The following COPA variants were observed in gnomAD, a reference collection of about 807,000 sequenced individuals.
The protein encoded by COPA is coat protein complex I subunit alpha.
A neutral mutation model predicts 158.7 loss-of-function variants in COPA; 10 were observed. That is an observed-to-expected ratio of 0.06 (90% confidence interval 0.04 to 0.11). The LOEUF is 0.11. Among genes scored for constraint, COPA ranks in the 10% least tolerant of loss-of-function variants. The pLI, the probability that COPA is intolerant of heterozygous loss-of-function variation, is 1.00. For synonymous variants in COPA, 462 were observed against 542.8 expected (o/e 0.85, Z 2.07); for missense variants, 1,065 against 1,536.7 (o/e 0.69, Z 5.13).
intron 9 of COPA, among the ~76,000 whole-genome samples, chr1:160,313,453 T>C (rs140544754): frequency 0.024 from 3,626 of 151,962 alleles, 63 homozygotes; most frequent in East Asian, 0.093. Flanking sequence ...CTCGCTCTGT[T>C]GCCCAGGCTG....
chr1:160,321,993 T>C (rs148333351), intron 8 of COPA, among the ~76,000 whole-genome samples: 9 of 152,228 alleles, frequency 5.9e-5, no homozygotes, highest in African/African-American at 2.2e-4. Flanking sequence ...TCCATGCTTG[T>C]GGGTTGAAAG....
chr1:160,338,143 C>T (rs912544546), intron 3 of COPA, among the ~76,000 whole-genome samples: 8 of 152,074 alleles, frequency 5.3e-5, no homozygotes, highest in Admixed American at 5.2e-4. Flanking sequence ...CCAGTTTTTC[C>T]TTTTTAAACA....
At chr1:160,317,275 C>T (rs1659179488) in intron 8 of COPA, 9 of 803,228 alleles carry the variant, frequency 1.1e-5, no homozygotes, top group East Asian at 2.4e-5. Flanking sequence ...AATGTGGTAG[C>T]GGAAGTTACT....
chr1:160,304,583 G>A (rs1658720645), intron 17 of COPA, among the ~76,000 whole-genome samples: 3 of 151,942 alleles, frequency 2.0e-5, no homozygotes, highest in Non-Finnish European at 4.4e-5. Context: ...AGAATCACTT[G>A]AACCCAGGAG....
chr1:160,332,986 G>A (rs556659926), intron 5 of COPA, among the ~76,000 whole-genome samples: 4 of 152,082 alleles, frequency 2.6e-5, no homozygotes, highest in African/African-American at 7.2e-5. Flanking sequence ...GTGCAGTGGC[G>A]CAATCTTGGC....
intron 17 of COPA, among the ~76,000 whole-genome samples, chr1:160,302,615 C>T (rs1658649537): frequency 1.5e-5 from 2 of 136,906 alleles, no homozygotes; most frequent in South Asian, 2.3e-4. Flanking sequence ...AGTGCAGTGG[C>T]GCGATCTCAG....
chr1:160,304,874 A>G (rs1369697277), intron 17 of COPA, among the ~76,000 whole-genome samples: 1 of 152,240 alleles, frequency 6.6e-6, no homozygotes, highest in East Asian at 1.9e-4. Flanking sequence ...AAACTGTGGC[A>G]TAATCATATA....
intron 23 of COPA, 152 bp from the exon 24 acceptor site, chr1:160,295,009 T>A: frequency 1.6e-6 from 1 of 638,146 alleles, no homozygotes; most frequent in East Asian, 2.8e-5. Flanking sequence ...TTTTGTGGTA[T>A]ATATGTTATG....
chr1:160,332,389 A>G (rs1376158272), intron 6 of COPA, 59 bp downstream of exon 6: 7 of 1,135,582 alleles, frequency 6.2e-6, no homozygotes, highest in Non-Finnish European at 3.9e-6. Flanking sequence ...CACTATTTTA[A>G]GCAATTGCAG....
At chr1:160,294,956 C>T (rs1658353651) in intron 23 of COPA, 99 bp from the exon 24 acceptor site, 6 of 886,340 alleles carry the variant, frequency 6.8e-6, no homozygotes, top group African/African-American at 1.7e-5. Flanking sequence ...AAACAGGTGC[C>T]AAGCTTCTGC....
In COPA at chr1:160,291,809, T is replaced by C. The variant is rs1321120144; in HGVS notation, c.3258+10A>G. On this transcript the variant is annotated intron_variant, in intron 30 of 32. Coordinates refer to ENST00000241704, the MANE Select transcript of COPA (RefSeq NM_004371.4). Reference sequence around the variant, plus strand: ...CGTCTCTGTTGTGCTCAGGGTCCTATAGATCTTACCTCACAGATGCGCTTC... The same window carrying C: ...CGTCTCTGTTGTGCTCAGGGTCCTACAGATCTTACCTCACAGATGCGCTTC... 1.2e-6 allele frequency: 2 copies of C among 1,613,132 alleles called. No individual in the cohort carries two copies. The highest frequency in any genetic ancestry group is 1.3e-5 in the African/African-American group (1 of 74,848).
At position 160,330,785 on chromosome 1, in the gene COPA, G is replaced by T. The variant is rs1306951178; in HGVS notation, c.496+1663C>A. Among the ~76,000 whole-genome samples, 3 of 152,126 alleles carry T rather than the reference G, an allele frequency of 2.0e-5. 1 individual carries two copies. Among genetic ancestry groups the T allele is most frequent in the Admixed American group, 1.3e-4 (2 of 15,276 alleles). On this transcript the variant is annotated intron_variant, in intron 6 of 32. Coordinates refer to ENST00000241704, the MANE Select transcript of COPA (RefSeq NM_004371.4). Reference sequence around the variant, plus strand: ...AGAACCAAACAAAGATCTATGAGGGGGGCCTTCCTTTCATAGAATGAAACA... The same window carrying T: ...AGAACCAAACAAAGATCTATGAGGGTGGCCTTCCTTTCATAGAATGAAACA...
chr1:160,309,731 G>A (rs1658900388), intron 12 of COPA, among the ~76,000 whole-genome samples: 2 of 143,996 alleles, frequency 1.4e-5, no homozygotes, highest in Non-Finnish European at 1.5e-5. Flanking sequence ...ACTAAAATTA[G>A]AATGTCATTT....
intron 17 of COPA, 52 bp downstream of exon 17, chr1:160,305,381 T>A: frequency 6.4e-7 from 1 of 1,566,634 alleles, no homozygotes; most frequent in South Asian, 1.1e-5. Context: ...GACAAGACAG[T>A]GATTTCAGGA....
At chr1:160,319,193 T>C (rs1659253260) in intron 8 of COPA, among the ~76,000 whole-genome samples, 1 of 152,048 alleles carries the variant, frequency 6.6e-6, no homozygotes, top group African/African-American at 2.4e-5. Flanking sequence ...GAGTGGGAGA[T>C]ATTCCATGAA....
intron 5 of COPA, among the ~76,000 whole-genome samples, chr1:160,332,874 T>A: frequency 6.6e-6 from 1 of 152,234 alleles, no homozygotes; most frequent in East Asian, 1.9e-4. Flanking sequence ...CTGTAAATTA[T>A]CTGTGAGATT....
intron 3 of COPA, among the ~76,000 whole-genome samples, chr1:160,335,817 G>A (rs1183209123): frequency 7.1e-6 from 1 of 141,490 alleles, no homozygotes; most frequent in Admixed American, 7.5e-5. Flanking sequence ...CAGGATACAA[G>A]AGGTTGCAGT....
intron 8 of COPA, 67 bp from the exon 9 acceptor site, chr1:160,314,192 G>A (rs1659065804): frequency 6.6e-7 from 1 of 1,512,284 alleles, no homozygotes; most frequent in Admixed American, 2.0e-5. Flanking sequence ...TTGGAGATAT[G>A]ACATCCTCTT....
Position 160,311,981 on chromosome 1 carries a change from C to T in COPA, c.963G>A (p.Arg321=). 6.2e-7 allele frequency: 1 copy of T among 1,613,888 alleles called. No individual in the cohort carries two copies. The highest frequency in any genetic ancestry group is 8.5e-7 in the Non-Finnish European group (1 of 1,179,894). ...CATGAACAGCATAGGCTGGCCGTTC[C>T]CGTTCCAGCTTAAACACAATCATAC... is the stretch of plus-strand genomic sequence containing the variant. ...DGGMIVFKLE[R]ERPAYAVHGN... The change falls in exon 11 of 33, where the codon CGG becomes CGA. Residue 321 remains arginine, a synonymous_variant. Coordinates refer to ENST00000241704, the MANE Select transcript of COPA (RefSeq NM_004371.4).
Sources: allele counts gnomAD v4.1 joint callset (sites outside exome capture counted in the v4.1 genomes callset), GRCh38; gene constraint gnomAD v4.1.1; transcripts MANE v1.5; gene names NCBI Gene and HGNC (gene_info 2026-07-23, HGNC 2026-07-21).